KRT15: variants seen among roughly 807,000 people sequenced by gnomAD.
KRT15 encodes keratin, type I cytoskeletal 15.
Under a neutral mutation model 46.6 loss-of-function variants are expected in KRT15, and 45 were observed. That is an observed-to-expected ratio of 0.97 (90% CI 0.76 to 1.24). The LOEUF (loss-of-function observed/expected upper bound fraction) is 1.24. Among genes scored for constraint, KRT15 ranks in the 50% most tolerant of loss-of-function variants. The pLI is 0.00. For missense variants in KRT15, 592 were observed against 588.9 expected, an observed-to-expected ratio of 1.01 and a Z score of -0.05; for synonymous variants, 221 against 233.8, an observed-to-expected ratio of 0.95 and a Z score of 0.50.
At position 41,516,875 on chromosome 17, in the gene KRT15, G is replaced by A; in HGVS notation, c.671C>T (p.Thr224Ile). Reference sequence around the variant, plus strand: ...GCCCTCGATCTGCATCTCCAGGTCAGTCCTGGCCAGGGTCAGCTCATCCAG... The same window carrying A: ...GCCCTCGATCTGCATCTCCAGGTCAATCCTGGCCAGGGTCAGCTCATCCAG... Reference protein sequence around the residue: ...RVLDELTLARTDLEMQIEGLN... With the variant: ...RVLDELTLARIDLEMQIEGLN... Residue 224 changes from threonine to isoleucine, a missense_variant, in exon 3 of 8, where the codon ACT (threonine) becomes ATT (isoleucine). By Grantham distance (89) the Thr-to-Ile change is moderately conservative. Coordinates refer to ENST00000254043, the MANE Select transcript of KRT15 (RefSeq NM_002275.4). The A allele has an allele frequency of 6.2e-7, 1 of 1,614,232 alleles. No homozygotes were observed. Among genetic ancestry groups the A allele is most frequent in the South Asian group, 1.1e-5 (1 of 91,090 alleles).
At position 41,516,203 on chromosome 17, in the gene KRT15, C is replaced by T. The variant is rs757922029; in HGVS notation, c.801G>A (p.Pro267=). The stretch of plus-strand genomic sequence containing the variant: ...CCAGCACACGGGTCAGGTCCACACC[C>T]GGTGCTGCGTCCATCTCCACATTGA... ...GQVNVEMDAA[P]GVDLTRVLAE... The change falls in exon 4 of 8, where the codon CCG becomes CCA. Residue 267 remains proline (P), a synonymous_variant. Coordinates refer to ENST00000254043, the MANE Select transcript of KRT15 (RefSeq NM_002275.4). 3.7e-6 allele frequency: 6 copies of T among 1,614,174 alleles called. No homozygotes were observed. Among genetic ancestry groups the T allele is most frequent in the Admixed American group, 3.3e-5 (2 of 60,030 alleles).
In KRT15 at chr17:41,516,012, T is replaced by C; in HGVS notation, c.901-2A>G. The C allele has an allele frequency of 6.2e-7, 1 of 1,614,202 alleles. No homozygotes were observed. The highest frequency in any genetic ancestry group is 8.5e-7 in the Non-Finnish European group (1 of 1,180,020). On this transcript the variant is annotated splice_acceptor_variant, in intron 4 of 7. Transcript: ENST00000254043. LOFTEE classifies it high-confidence loss of function. Reference sequence around the variant, plus strand: ...CACCTCTTTGTTCAGCTCCTCAGTCTGTAGGTCATGCACAACAGAAGTGAG... The same window carrying C: ...CACCTCTTTGTTCAGCTCCTCAGTCCGTAGGTCATGCACAACAGAAGTGAG...
chr17:41,516,887 G>T lies in KRT15; in HGVS notation c.659C>A (p.Thr220Asn). The T allele has an allele frequency of 6.2e-7, 1 of 1,614,202 alleles. No homozygotes were observed. Among genetic ancestry groups the T allele is most frequent in the Non-Finnish European group, 8.5e-7 (1 of 1,180,014 alleles). ...CATCTCCAGGTCAGTCCTGGCCAGGGTCAGCTCATCCAGGACTCGGCGCAA... is the reference window on the plus strand; with the variant it reads ...CATCTCCAGGTCAGTCCTGGCCAGGTTCAGCTCATCCAGGACTCGGCGCAA... ...NGLRRVLDEL[T>N]LARTDLEMQI... The change falls in exon 3 of 8, where the codon ACC becomes AAC. Residue 220 changes from threonine (T) to asparagine (N), a missense_variant. Thr to Asn is a moderately conservative substitution (Grantham distance 65). Coordinates refer to ENST00000254043, the MANE Select transcript of KRT15 (RefSeq NM_002275.4).
At chr17:41,515,188 C>G in intron 6 of KRT15, 1 of 471,926 alleles carries the variant, frequency 2.1e-6, no homozygotes, top group Admixed American at 3.5e-5. Context: ...TACAAGAATA[C>G]CCATCTATCT....
rs200579517 is a variant in KRT15, at chr17:41,516,826, C to T, written c.720G>A (p.Leu240=). Residue 240 remains leucine (L), a synonymous_variant, in exon 3 of 8, where the codon CTG becomes CTA. Transcript: ENST00000254043. ...CTCTCACCTCTTCGTGGTTCTTCTTCAGGTAGGCTAGCTCCTCATTCAGGC... is the reference window on the plus strand; with the variant it reads ...CTCTCACCTCTTCGTGGTTCTTCTTTAGGTAGGCTAGCTCCTCATTCAGGC... ...IEGLNEELAY[L]KKNHEEEMKE... The T allele has an allele frequency of 6.2e-7, 1 of 1,614,214 alleles. No homozygotes were observed. The highest frequency in any genetic ancestry group is 1.3e-5 in the African/African-American group (1 of 75,066).
Position 41,515,610 on chromosome 17 carries a change from C to A in KRT15, c.1109G>T (p.Gly370Val). The change falls in exon 6 of 8, where the codon GGC (glycine) becomes GTC (valine). Residue 370 changes from glycine (G) to valine (V), a missense_variant. Transcript: ENST00000254043. Reference sequence around the variant, plus strand: ...GAGCTCACTCAGCTGGGCCTCCAGGCCACCAATGAGCCCCTGGATCTGCTG... The same window carrying A: ...GAGCTCACTCAGCTGGGCCTCCAGGACACCAATGAGCCCCTGGATCTGCTG... Reference protein sequence around the residue: ...QLQQIQGLIGGLEAQLSELRC... With the variant: ...QLQQIQGLIGVLEAQLSELRC... 6.2e-7 allele frequency: 1 copy of A among 1,614,200 alleles called. No individual in the cohort carries two copies. The highest frequency in any genetic ancestry group is 1.1e-5 in the South Asian group (1 of 91,084).
chr17:41,516,173 C>T lies in KRT15; in HGVS notation c.831G>A (p.Glu277=), dbSNP rs767743622. The change falls in exon 4 of 8, where the codon GAG becomes GAA. Residue 277 remains glutamate (E), a synonymous_variant. Transcript: ENST00000254043. ...PGVDLTRVLA[E]MREQYEAMAE... ...CCATGGCCTCGTACTGCTCCCTCAT[C>T]TCTGCCAGCACACGGGTCAGGTCCA... 3.4e-5 allele frequency: 55 copies of T among 1,614,116 alleles called. No homozygotes were observed. The highest frequency in any genetic ancestry group is 4.6e-5 in the Non-Finnish European group (54 of 1,180,050).
Position 41,517,237 on chromosome 17 carries a change from C to T in KRT15, c.499-72G>A, listed in dbSNP as rs761632006. ...GCTGCTCTCTGCTCTGCACCCAAGG[C>T]CAGCCCCTCATTGAAAATCACCCCT... On this transcript the variant is annotated intron_variant, in intron 1 of 7. Transcript: ENST00000254043. 131 of 1,308,968 alleles carry T rather than the reference C, an allele frequency of 1.0e-4. 1 individual carries two copies. Among genetic ancestry groups the T allele is most frequent in the South Asian group, 1.5e-4 (12 of 80,548 alleles). 81.1% of individuals were successfully genotyped at this position (1,308,968 alleles called of 1,614,324 possible).
chr17:41,515,289 G>A (rs1222649769), intron 6 of KRT15, 183 bp downstream of exon 6: 3 of 599,450 alleles, frequency 5.0e-6, no homozygotes, highest in East Asian at 2.8e-5. Context: ...GAGAGAGGAA[G>A]TGACCTGTCC....
chr17:41,515,121 A>C (rs1905292461), intron 6 of KRT15: 1 of 324,688 alleles, frequency 3.1e-6, no homozygotes, highest in Non-Finnish European at 5.8e-6. Flanking sequence ...CCCGCCTTGG[A>C]CTCCCAAAGT....
In KRT15 at chr17:41,515,488, C is replaced by T. The variant is rs758727161; in HGVS notation, c.1231G>A (p.Glu411Lys). 42 of 1,613,420 alleles carry T rather than the reference C, an allele frequency of 2.6e-5. No homozygotes were observed. The South Asian group carries it at 3.6e-4, about 14-fold the overall frequency. ...GGCGCCTACTTGGCATCCTGGCCCT[C>T]GAGCAGGCTGCGGTAAGTAGCGATC... Reference protein sequence around the residue: ...QEIATYRSLLEGQDAKMAGIA... With the variant: ...QEIATYRSLLKGQDAKMAGIA... Residue 411 changes from glutamate to lysine, a missense_variant, in exon 6 of 8, where the codon GAG (glutamate) becomes AAG (lysine). Physicochemically the swap from Glu to Lys is moderately conservative, Grantham distance 56 (BLOSUM62 1). Transcript: ENST00000254043.
chr17:41,514,459 A>G (rs1597772087), intron 7 of KRT15, 190 bp downstream of exon 7: 1 of 619,490 alleles, frequency 1.6e-6, no homozygotes, highest in East Asian at 2.8e-5. Context: ...AAGTTTCTCA[A>G]TAAATCACCA....
intron 1 of KRT15, among the ~76,000 whole-genome samples, chr17:41,518,086 CT>C (rs1905477541): frequency 6.6e-6 from 1 of 152,076 alleles, no homozygotes; most frequent in Non-Finnish European, 1.5e-5. Flanking sequence ...ACCTGTGCCC[CT>C]GTTGGTCCTA....
rs1479611902 is a variant in KRT15, at chr17:41,513,972, G to A, written c.*51C>T. ...AGGCCCTCTGGCCAGTCCTCCACTT[G>A]GCCTGATGAGAGTGGGGAGTGGCAA... On this transcript the variant is annotated 3_prime_UTR_variant, in exon 8 of 8. Transcript: ENST00000254043. 1 of 1,345,480 alleles carries A rather than the reference G, an allele frequency of 7.4e-7. No individual in the cohort carries two copies. The highest frequency in any genetic ancestry group is 1.1e-6 in the Non-Finnish European group (1 of 935,282). 83.3% of individuals were successfully genotyped at this position (1,345,480 alleles called of 1,614,324 possible).
chr17:41,514,385 C>A, intron 7 of KRT15: 1 of 596,930 alleles, frequency 1.7e-6, no homozygotes, highest in South Asian at 2.0e-5. Context: ...GGCATCTTAG[C>A]GGAAGTGTAT....
At chr17:41,514,911 G>A (rs1905282950) in intron 6 of KRT15, 2 of 465,352 alleles carry the variant, frequency 4.3e-6, no homozygotes, top group South Asian at 5.7e-5. Context: ...CTGTCGCCCA[G>A]GCTGGAGTGC....
At chr17:41,515,854 A>C in intron 5 of KRT15, 31 bp downstream of exon 5, 1 of 1,613,826 alleles carries the variant, frequency 6.2e-7, no homozygotes, top group Non-Finnish European at 8.5e-7. Context: ...CTACCACCCG[A>C]GAGGCTGGGA....
chr17:41,515,331 C>T, intron 6 of KRT15, 141 bp downstream of exon 6: 1 of 685,254 alleles, frequency 1.5e-6, no homozygotes, highest in South Asian at 1.8e-5. Flanking sequence ...AGTGAGGAGT[C>T]CAGATCCTCC....
chr17:41,518,587 A>C lies in KRT15; in HGVS notation c.241T>G (p.Phe81Val). The C allele has an allele frequency of 1.2e-6, 2 of 1,609,976 alleles. No homozygotes were observed. Among genetic ancestry groups the C allele is most frequent in the Admixed American group, 3.4e-5 (2 of 59,620 alleles). ...GGAGSVFGGG[F>V]GGGVGGGFGG... ...AAACCCCCACCAACGCCCCCTCCAA[A>C]GCCTCCACCGAAAACACTACCAGCC... is the stretch of plus-strand genomic sequence containing the variant. The change falls in exon 1 of 8, where the codon TTT becomes GTT. Residue 81 changes from phenylalanine (F) to valine (V), a missense_variant. Coordinates refer to ENST00000254043, the MANE Select transcript of KRT15 (RefSeq NM_002275.4).
Sources: allele counts gnomAD v4.1 joint callset (sites outside exome capture counted in the v4.1 genomes callset), GRCh38; gene constraint gnomAD v4.1.1; transcripts MANE v1.5; gene names NCBI Gene and HGNC (gene_info 2026-07-23, HGNC 2026-07-21).